The following LRRC7 variants were observed in gnomAD, a reference collection of about 807,000 sequenced individuals.
LRRC7 encodes the protein leucine rich repeat containing 7.
Under a neutral mutation model 175.7 loss-of-function variants are expected in LRRC7, and 23 were observed. The ratio of observed to expected loss-of-function variants is 0.13; its 90% CI spans 0.09 to 0.19. LRRC7 has a LOEUF of 0.19. Among genes scored for constraint, LRRC7 ranks in the 10% least tolerant of loss-of-function variants. The pLI, the probability that LRRC7 is intolerant of heterozygous loss-of-function variation, is 1.00. For synonymous variants in LRRC7, 685 were observed against 680.9 expected, an observed-to-expected ratio of 1.01 and a Z score of -0.09; for missense variants, 1,354 against 1,904.7, an observed-to-expected ratio of 0.71 and a Z score of 5.38.
chr1:69,909,956 G>A (rs1044187751), intron 7 of LRRC7, among the ~76,000 whole-genome samples: 1 of 152,110 alleles, frequency 6.6e-6, no homozygotes. Flanking sequence ...ATTTCTTGGA[G>A]GCTTTGTTTG....
At chr1:69,780,868 T>C (rs2101019548) in intron 3 of LRRC7, among the ~76,000 whole-genome samples, 1 of 152,302 alleles carries the variant, frequency 6.6e-6, no homozygotes, top group South Asian at 2.1e-4. Flanking sequence ...ACATATGGCA[T>C]CAATAAGCCT....
At chr1:69,932,285 TAA>T (rs887567044) in intron 8 of LRRC7, among the ~76,000 whole-genome samples, 1 of 152,214 alleles carries the variant, frequency 6.6e-6, no homozygotes, top group Non-Finnish European at 1.5e-5. Context: ...ATTTTAAAAT[TAA>T]AAGATTTAAG....
At chr1:70,078,719 A>G (rs1287306727) in intron 24 of LRRC7, among the ~76,000 whole-genome samples, 1 of 151,946 alleles carries the variant, frequency 6.6e-6, no homozygotes, top group Non-Finnish European at 1.5e-5. Context: ...CTCCTGATCA[A>G]ATGAGAACAT....
chr1:70,107,817 G>A lies in LRRC7; in HGVS notation c.4611G>A (p.Lys1537=). 2 of 1,612,626 alleles carry A rather than the reference G, an allele frequency of 1.2e-6. No homozygotes were observed. Among genetic ancestry groups the A allele is most frequent in the East Asian group, 2.2e-5 (1 of 44,844 alleles). Residue 1537 remains lysine, a synonymous_variant, in exon 26 of 27, where the codon AAG becomes AAA. Coordinates refer to ENST00000651989, the MANE Select transcript of LRRC7 (RefSeq NM_001370785.2). ...CAAACCTACTGCAGCCTGGTGATAA[G>A]ATCCTTCAGGTAAGACAGATAAAAG... ...PASNLLQPGD[K]ILQANGHSFV... is the part of the protein sequence containing the mutation.
chr1:69,976,566 C>T (rs150451401), intron 8 of LRRC7, among the ~76,000 whole-genome samples: 119 of 152,332 alleles, frequency 7.8e-4, no homozygotes, highest in African/African-American at 2.6e-3. Flanking sequence ...ATCACAATGT[C>T]TATCACCAAG....
chr1:69,725,251 G>A lies in LRRC7; in HGVS notation c.101-34940G>A, dbSNP rs1010553872. Among the ~76,000 whole-genome samples the A allele has an allele frequency of 5.9e-5, 9 of 152,064 alleles. No homozygotes were observed. In the East Asian group the frequency reaches 7.7e-4, roughly 13 times the overall value. ...TTCATCCTTGTCTTCACATTGAGTA[G>A]GGGGAGGAGGAGGAAGAGAAGAGGT... On this transcript the variant is annotated intron_variant, in intron 2 of 26. Coordinates refer to ENST00000651989, the MANE Select transcript of LRRC7 (RefSeq NM_001370785.2).
intron 1 of LRRC7, among the ~76,000 whole-genome samples, chr1:69,591,089 A>G (rs981639820): frequency 2.0e-5 from 3 of 152,140 alleles, no homozygotes; most frequent in African/African-American, 7.2e-5. Context: ...GGAAAAATTA[A>G]TTCTAAAAAA....
chr1:69,975,386 A>G (rs1286773748), intron 8 of LRRC7, among the ~76,000 whole-genome samples: 2 of 152,140 alleles, frequency 1.3e-5, no homozygotes, highest in Admixed American at 1.3e-4. Context: ...CAACTTCAGA[A>G]ATCTTGAATC....
rs554049249 is a variant in LRRC7 at position 69,889,525 on chromosome 1, C to T, written c.648-41982C>T. 2.1e-4 allele frequency among the ~76,000 whole-genome samples: 32 copies of T among 152,306 alleles called. No homozygotes were observed. In the South Asian group the frequency reaches 5.6e-3, roughly 27 times the overall value. On this transcript the variant is annotated intron_variant, in intron 7 of 26. Transcript: ENST00000651989. Reference sequence around the variant, plus strand: ...AGATTCCATCTCAAGAAACCACTTTCGCTAGGTGCAGTGACTCACTCCTGT... The same window carrying T: ...AGATTCCATCTCAAGAAACCACTTTTGCTAGGTGCAGTGACTCACTCCTGT...
intron 1 of LRRC7, among the ~76,000 whole-genome samples, chr1:69,668,169 AAG>A (rs1658544177): frequency 6.6e-6 from 1 of 151,980 alleles, no homozygotes; most frequent in African/African-American, 2.4e-5. Context: ...ATTATACTTT[AAG>A]TTCTGGGATA....
rs537095620 is a variant in LRRC7 at position 70,124,214 on chromosome 1, G to A, written c.*2327G>A. ...ATAGTACTGCCATGTTGCATACTGA[G>A]AACAGGCAGGTAATAATGAAAACAG... On this transcript the variant is annotated 3_prime_UTR_variant, in exon 27 of 27. Transcript: ENST00000651989. Among the ~76,000 whole-genome samples the A allele has an allele frequency of 6.6e-6, 1 of 152,302 alleles. No homozygotes were observed. Among genetic ancestry groups the A allele is most frequent in the East Asian group, 1.9e-4 (1 of 5,176 alleles).
Position 70,008,811 on chromosome 1 carries a change from G to A in LRRC7, c.1005-2986G>A, listed in dbSNP as rs74444896. 5.8e-3 allele frequency among the ~76,000 whole-genome samples: 878 copies of A among 152,330 alleles called. 5 individuals are homozygous for A. Among genetic ancestry groups the A allele is most frequent in the Middle Eastern group, 0.024 (7 of 294 alleles). On this transcript the variant is annotated intron_variant, in intron 11 of 26. Coordinates refer to ENST00000651989, the MANE Select transcript of LRRC7 (RefSeq NM_001370785.2). ...GAAGGCAACACATGTTTTGCTGTCT[G>A]TGTGTGAGCCAAATAACAGAAGGGC...
rs58471111 is a variant in LRRC7, at chr1:70,118,793, G to A, written c.4621-2987G>A. On this transcript the variant is annotated intron_variant, in intron 26 of 26. Transcript: ENST00000651989. The stretch of plus-strand genomic sequence containing the variant: ...TCACACTGGGCTTTCATGAACAATG[G>A]GGGGTGGGAAGGTATTGGCAAGTAA... Among the ~76,000 whole-genome samples, 510 of 152,100 alleles carry A rather than the reference G, an allele frequency of 3.4e-3. 7 individuals carry two copies. The highest frequency in any genetic ancestry group is 0.012 in the African/African-American group (491 of 41,456).
intron 2 of LRRC7, among the ~76,000 whole-genome samples, chr1:69,697,839 A>C (rs1662809198): frequency 6.6e-6 from 1 of 152,200 alleles, no homozygotes; most frequent in Non-Finnish European, 1.5e-5. Flanking sequence ...GTTTAAGTGC[A>C]TGGCTACAAG....
intron 1 of LRRC7, among the ~76,000 whole-genome samples, chr1:69,600,179 T>A (rs1315171136): frequency 6.6e-6 from 1 of 152,218 alleles, no homozygotes; most frequent in African/African-American, 2.4e-5. Context: ...TTCCTCTTTA[T>A]TATCATGTAT....
chr1:70,096,013 T>A (rs1664363865), intron 25 of LRRC7, among the ~76,000 whole-genome samples: 1 of 152,140 alleles, frequency 6.6e-6, no homozygotes, highest in African/African-American at 2.4e-5. Flanking sequence ...GTCTGGCTCT[T>A]GTCGCCCAGG....
chr1:69,892,357 G>T (rs577331884), intron 7 of LRRC7, among the ~76,000 whole-genome samples: 3 of 152,276 alleles, frequency 2.0e-5, no homozygotes, highest in African/African-American at 7.2e-5. Flanking sequence ...AACTCTTAAA[G>T]ATTACCTATG....
chr1:69,822,517 C>G (rs1281289079), intron 4 of LRRC7, among the ~76,000 whole-genome samples: 1 of 152,164 alleles, frequency 6.6e-6, no homozygotes, highest in Admixed American at 6.6e-5. Context: ...CAGTCCGTAC[C>G]TCTCCTCCCA....
chr1:70,004,647 C>T (rs553051215), intron 11 of LRRC7, among the ~76,000 whole-genome samples: 4 of 152,140 alleles, frequency 2.6e-5, no homozygotes, highest in South Asian at 2.1e-4. Flanking sequence ...TGTCTACTTT[C>T]GGTTATACTG....
Sources: allele counts gnomAD v4.1 joint callset (sites outside exome capture counted in the v4.1 genomes callset), GRCh38; gene constraint gnomAD v4.1.1; transcripts MANE v1.5; gene names NCBI Gene and HGNC (gene_info 2026-07-23, HGNC 2026-07-21).